Variants in RTRAF observed in about 807,000 individuals in gnomAD.
RTRAF encodes tRNA-splicing ligase complex subunit RTRAF.
RTRAF carries 14 observed loss-of-function variants against 34.4 expected under a neutral mutation model. That is an observed-to-expected ratio of 0.41 (90% CI 0.27 to 0.64). RTRAF has a LOEUF of 0.64. Among genes scored for constraint, RTRAF ranks in the 30% least tolerant of loss-of-function variants. The pLI, the probability that RTRAF is intolerant of heterozygous loss-of-function variation, is 0.34. For synonymous variants in RTRAF, 96 were observed against 95.3 expected, an observed-to-expected ratio of 1.01 and a Z score of -0.04; for missense variants, 291 against 288.4, an observed-to-expected ratio of 1.01 and a Z score of -0.06.
chr14:52,002,779 C>G (rs1438367332), intron 6 of RTRAF, among the ~76,000 whole-genome samples: 1 of 152,204 alleles, frequency 6.6e-6, no homozygotes, highest in Non-Finnish European at 1.5e-5. Context: ...CTTCCCCCAT[C>G]TCCCAATGCC....
Position 52,005,763 on chromosome 14 carries a change from G to A in RTRAF, c.*1247G>A. On this transcript the variant is annotated 3_prime_UTR_variant, in exon 8 of 8. Coordinates refer to ENST00000261700, the MANE Select transcript of RTRAF (RefSeq NM_016039.3). ...TGTTGGGCAGTAGGGGTAGACTGCA[G>A]TTATCCCGTAGAGGTGAGATCGTTG... 6.2e-7 allele frequency: 1 copy of A among 1,613,756 alleles called. No homozygotes were observed. The highest frequency in any genetic ancestry group is 8.5e-7 in the Non-Finnish European group (1 of 1,179,682).
chr14:52,005,749 A>AG lies in RTRAF; in HGVS notation c.*1237dup. ...GCATACTTTTTACCTGTTGGGCAGTAGGGGTAGACTGCAGTTATCCCGTAG... is the reference window on the plus strand; with the variant it reads ...GCATACTTTTTACCTGTTGGGCAGTAGGGGGTAGACTGCAGTTATCCCGTAG... On this transcript the variant is annotated 3_prime_UTR_variant, in exon 8 of 8. Coordinates refer to ENST00000261700, the MANE Select transcript of RTRAF (RefSeq NM_016039.3). 6.2e-7 allele frequency: 1 copy of AG among 1,611,814 alleles called. No homozygotes were observed. Among genetic ancestry groups the AG allele is most frequent in the Non-Finnish European group, 8.5e-7 (1 of 1,177,872 alleles).
chr14:52,003,274 AGT>A (rs774171362), intron 6 of RTRAF, among the ~76,000 whole-genome samples: 5 of 152,156 alleles, frequency 3.3e-5, no homozygotes, highest in Non-Finnish European at 5.9e-5. Flanking sequence ...AGGAAAAAAA[AGT>A]GGAGCCTCTG....
chr14:51,999,844 A>ATAAAGACATTTTTCT, intron 5 of RTRAF, 48 bp downstream of exon 5: 1 of 1,348,268 alleles, frequency 7.4e-7, no homozygotes, highest in Non-Finnish European at 1.0e-6. Context: ...CACATAGAAA[A>ATAAAGACATTTTTCT]ATGTCTTTAT....
chr14:51,993,915 A>G (rs1890475803), intron 3 of RTRAF, 93 bp downstream of exon 3: 2 of 697,524 alleles, frequency 2.9e-6, no homozygotes, highest in Non-Finnish European at 4.7e-6. Flanking sequence ...TGTTTTGTCT[A>G]GTACTATTTT....
Position 52,001,841 on chromosome 14 carries a change from TTGC to T in RTRAF, c.508_510del (p.Ala170del). On this transcript the variant is annotated inframe_deletion, in exon 6 of 8. Transcript: ENST00000261700. The stretch of plus-strand genomic sequence containing the variant: ...CAGGAGCGCCTGACACAGGATGCAG[TTGC>T]TAAGGCAAATCAAACAAAAGAGGTA... 6.2e-7 allele frequency: 1 copy of T among 1,609,200 alleles called. No homozygotes were observed.
At chr14:51,991,846 A>G (rs866752896) in intron 2 of RTRAF, among the ~76,000 whole-genome samples, 7 of 152,264 alleles carry the variant, frequency 4.6e-5, no homozygotes, top group Admixed American at 1.3e-4. Context: ...GTGGCAGATC[A>G]TTTGAGCTCA....
intron 3 of RTRAF, chr14:51,998,039 CTTGA>C (rs1434672338): frequency 1.3e-5 from 2 of 152,008 alleles, no homozygotes; most frequent in Non-Finnish European, 2.9e-5. Context: ...AAAAATTAAG[CTTGA>C]TTGAATGAAT....
chr14:51,989,875 G>T (rs1890398118), intron 1 of RTRAF, among the ~76,000 whole-genome samples, 175 bp downstream of exon 1: 1 of 152,238 alleles, frequency 6.6e-6, no homozygotes, highest in Non-Finnish European at 1.5e-5. Context: ...GCCCCTTCCC[G>T]CCTTTAAAGC....
chr14:51,998,242 A>C, intron 3 of RTRAF: 1 of 298,606 alleles, frequency 3.3e-6, no homozygotes, highest in Non-Finnish European at 6.2e-6. Context: ...CCTTCAGGCT[A>C]TGTGTATAAG....
At chr14:51,993,867 G>A (rs1420001459) in intron 3 of RTRAF, 45 bp downstream of exon 3, 3 of 1,169,710 alleles carry the variant, frequency 2.6e-6, no homozygotes, top group Non-Finnish European at 3.7e-6. Context: ...GAGGAAAGAT[G>A]GGAAAGGGAG....
At chr14:51,993,322 A>G (rs1890465118) in intron 2 of RTRAF, among the ~76,000 whole-genome samples, 1 of 152,178 alleles carries the variant, frequency 6.6e-6, no homozygotes, top group Admixed American at 6.5e-5. Context: ...TGGCATTTCC[A>G]TAATATGAAA....
At chr14:51,993,938 T>G (rs1890476355) in intron 3 of RTRAF, 116 bp downstream of exon 3, 1 of 585,728 alleles carries the variant, frequency 1.7e-6, no homozygotes, top group African/African-American at 2.0e-5. Context: ...CTTTGGTTTA[T>G]TCTTATCACA....
In RTRAF at chr14:52,006,670, C is replaced by CA; in HGVS notation, c.*2157dup. On this transcript the variant is annotated 3_prime_UTR_variant, in exon 8 of 8. Transcript: ENST00000261700. Reference sequence around the variant, plus strand: ...TCCAGTTTTTTGGTTCCTTTTAAAACAAAGGGGGAAAATGAGGTCCTTCAG... The same window carrying CA: ...TCCAGTTTTTTGGTTCCTTTTAAAACAAAAGGGGGAAAATGAGGTCCTTCAG... The CA allele has an allele frequency of 6.2e-7, 1 of 1,612,874 alleles. No individual in the cohort carries two copies. Among genetic ancestry groups the CA allele is most frequent in the South Asian group, 1.1e-5 (1 of 90,988 alleles).
Position 52,006,098 on chromosome 14 carries a change from A to T in RTRAF, c.*1582A>T, listed in dbSNP as rs1890768500. The T allele has an allele frequency of 2.0e-6, 1 of 493,540 alleles. No homozygotes were observed. The highest frequency in any genetic ancestry group is 3.2e-5 in the Admixed American group (1 of 30,820). 30.6% of individuals were successfully genotyped at this position (493,540 alleles called of 1,614,324 possible). A position where few individuals can be genotyped will look rare whatever the true frequency, so the allele number is the denominator to read the frequency against. On this transcript the variant is annotated 3_prime_UTR_variant, in exon 8 of 8. Coordinates refer to ENST00000261700, the MANE Select transcript of RTRAF (RefSeq NM_016039.3). ...GTAGGGCATGGTGTAAAGGGCTTAG[A>T]CTTTAATGTTCCACAGTTCCTCATT...
At position 52,008,927 on chromosome 14, in the gene RTRAF, AAC is replaced by A. The variant is rs1890899795; in HGVS notation, c.*4413_*4414del. On this transcript the variant is annotated 3_prime_UTR_variant, in exon 8 of 8. Coordinates refer to ENST00000261700, the MANE Select transcript of RTRAF (RefSeq NM_016039.3). ...CACGTTAAAAATGAAATATATTCAT[AAC>A]AGATACTAACGAGGAAATATGGTCC... The A allele has an allele frequency of 6.6e-6, 1 of 152,240 alleles. No homozygotes were observed. The highest frequency in any genetic ancestry group is 2.1e-4 in the South Asian group (1 of 4,838). The allele number at this position is 152,240 out of a possible 1,614,324, so 9.4% of individuals were successfully genotyped here.
chr14:52,006,785 A>AGCCAT lies in RTRAF; in HGVS notation c.*2269_*2270insGCCAT, dbSNP rs1290922376. On this transcript the variant is annotated 3_prime_UTR_variant, in exon 8 of 8. Transcript: ENST00000261700. The stretch of plus-strand genomic sequence containing the variant: ...TATTTTACTTCCATTACAGTCATAG[A>AGCCAT]TTAGCAACTGTAAAATTACCTGTCC... 1 of 1,009,632 alleles carries AGCCAT rather than the reference A, an allele frequency of 9.9e-7. No individual in the cohort carries two copies. Among genetic ancestry groups the AGCCAT allele is most frequent in the African/African-American group, 1.6e-5 (1 of 61,882 alleles). 62.5% of individuals were successfully genotyped at this position (1,009,632 alleles called of 1,614,324 possible).
Position 51,989,707 on chromosome 14 carries a change from C to A in RTRAF, c.61+7C>A, listed in dbSNP as rs767213140. 1.3e-6 allele frequency: 2 copies of A among 1,597,768 alleles called. No homozygotes were observed. On this transcript the variant is annotated splice_region_variant and intron_variant, in intron 1 of 7. Coordinates refer to ENST00000261700, the MANE Select transcript of RTRAF (RefSeq NM_016039.3). ...GCCGGCTTCAACTGCAAAGGTGAGG[C>A]GGCGGCCTCAGCCCGGCCGCGTGTC...
In RTRAF at chr14:52,008,845, G is replaced by A. The variant is rs530860524; in HGVS notation, c.*4329G>A. ...AAAATACAATTTGGTACTTGAAGGG[G>A]TACCTGGCACCCAGGGATGGAAACA... On this transcript the variant is annotated 3_prime_UTR_variant, in exon 8 of 8. Coordinates refer to ENST00000261700, the MANE Select transcript of RTRAF (RefSeq NM_016039.3). The A allele has an allele frequency of 6.6e-6, 1 of 152,280 alleles. No homozygotes were observed. Among genetic ancestry groups the A allele is most frequent in the South Asian group, 2.1e-4 (1 of 4,820 alleles). The allele number at this position is 152,280 out of a possible 1,614,324, so 9.4% of individuals were successfully genotyped here. A position where few individuals can be genotyped will look rare whatever the true frequency, so the allele number is the denominator to read the frequency against.
Sources: allele counts gnomAD v4.1 joint callset (sites outside exome capture counted in the v4.1 genomes callset), GRCh38; gene constraint gnomAD v4.1.1; transcripts MANE v1.5; gene names NCBI Gene and HGNC (gene_info 2026-07-23, HGNC 2026-07-21).